Variants in TENM3 observed in about 807,000 individuals in gnomAD.
The protein encoded by TENM3 is teneurin transmembrane protein 3.
TENM3 carries 63 observed loss-of-function variants against 255.1 expected under a neutral mutation model. That is an observed-to-expected ratio of 0.25 (90% CI 0.20 to 0.30). TENM3 has a LOEUF of 0.30. Ranked by LOEUF, TENM3 falls within the 10% of genes least tolerant of loss-of-function variation. TENM3 has a pLI of 1.00. For missense variants in TENM3, 2,929 were observed against 3,461.1 expected (o/e 0.85, Z 3.86); for synonymous variants, 1,306 against 1,322.3 (o/e 0.99, Z 0.27).
intron 1 of TENM3, among the ~76,000 whole-genome samples, chr4:182,277,164 GGCTTAGAAATTC>G (rs1760058961): frequency 6.6e-6 from 1 of 152,206 alleles, no homozygotes; most frequent in Admixed American, 6.5e-5. Context: ...GGCAATAATA[GGCTTAGAAATTC>G]TGCAGTGTGG....
intron 3 of TENM3, among the ~76,000 whole-genome samples, chr4:182,438,381 G>A (rs1271855163): frequency 6.6e-6 from 1 of 152,054 alleles, no homozygotes; most frequent in Non-Finnish European, 1.5e-5. Flanking sequence ...CATTTTCCTG[G>A]CGCTGGTTAT....
rs192452904 is a variant in TENM3, at chr4:182,659,181, C to T, written c.1111+5288C>T. ...ATCTTTGGAAAATACAATTGCCAAG[C>T]CATCTTTCTTTCCAAATTTGCCTCT... On this transcript the variant is annotated intron_variant, in intron 6 of 27. Coordinates refer to ENST00000511685, the MANE Select transcript of TENM3 (RefSeq NM_001080477.4). Among the ~76,000 whole-genome samples the T allele has an allele frequency of 9.8e-4, 149 of 152,240 alleles. 1 individual carries two copies. The highest frequency in any genetic ancestry group is 3.3e-3 in the African/African-American group (139 of 41,538).
At chr4:181,520,410 C>T in the TENM3 span, among the ~76,000 whole-genome samples, 1 of 151,718 alleles carries the variant, frequency 6.6e-6, no homozygotes, top group Admixed American at 6.6e-5. Context: ...GGGGTACCTG[C>T]GTGTGTGTGT....
intron 3 of TENM3, among the ~76,000 whole-genome samples, chr4:182,389,542 T>C (rs1460901120): frequency 1.3e-5 from 2 of 152,242 alleles, no homozygotes; most frequent in East Asian, 3.9e-4. Context: ...CACAAAGAAA[T>C]CTGAAATTTA....
At chr4:181,701,337 T>C in the TENM3 span, among the ~76,000 whole-genome samples, 1 of 152,194 alleles carries the variant, frequency 6.6e-6, no homozygotes, top group Non-Finnish European at 1.5e-5. Context: ...GAACCAGAAA[T>C]AGGCAAACAG....
chr4:182,167,528 AAG>A (rs1751799765), intron 1 of TENM3, among the ~76,000 whole-genome samples: 2 of 152,312 alleles, frequency 1.3e-5, no homozygotes, highest in African/African-American at 4.8e-5. Context: ...ATTAAAGAAA[AAG>A]AATTCTTGTG....
chr4:182,361,837 T>C (rs933523534), intron 3 of TENM3, among the ~76,000 whole-genome samples: 41 of 152,256 alleles, frequency 2.7e-4, no homozygotes, highest in Non-Finnish European at 5.4e-4. Context: ...TTTTTCCCCG[T>C]CTTTGTGGTT....
chr4:182,071,598 A>G, the TENM3 span, among the ~76,000 whole-genome samples: 1 of 151,874 alleles, frequency 6.6e-6, no homozygotes, highest in Admixed American at 6.6e-5. Flanking sequence ...GGTGCCTGCC[A>G]CCACACCACA....
chr4:181,509,512 C>T, the TENM3 span, among the ~76,000 whole-genome samples: 1 of 152,084 alleles, frequency 6.6e-6, no homozygotes. Flanking sequence ...CTTTAAGCCT[C>T]TGAGTTTAAT....
chr4:181,528,087 G>T, the TENM3 span, among the ~76,000 whole-genome samples: 95 of 150,530 alleles, frequency 6.3e-4, no homozygotes, highest in African/African-American at 2.1e-3. Context: ...TTACCTTTAG[G>T]AAAAAAAACA....
At chr4:181,603,991 G>A in the TENM3 span, among the ~76,000 whole-genome samples, 3 of 152,326 alleles carry the variant, frequency 2.0e-5, no homozygotes, top group East Asian at 1.9e-4. Flanking sequence ...ATTGCCGGGC[G>A]CGGTGGCTCA....
intron 4 of TENM3, among the ~76,000 whole-genome samples, chr4:182,617,747 A>G (rs1581115646): frequency 6.6e-6 from 1 of 152,340 alleles, no homozygotes; most frequent in East Asian, 1.9e-4. Flanking sequence ...CGATTTACCT[A>G]CATGTGTCAG....
At chr4:181,885,058 C>T in the TENM3 span, among the ~76,000 whole-genome samples, 1 of 152,040 alleles carries the variant, frequency 6.6e-6, no homozygotes, top group Admixed American at 6.6e-5. Context: ...TCTTAATTTT[C>T]TTCATTGATC....
chr4:182,241,785 G>T (rs1757277930), upstream of TENM3, among the ~76,000 whole-genome samples: 1 of 151,872 alleles, frequency 6.6e-6, no homozygotes, highest in African/African-American at 2.4e-5. Flanking sequence ...GGGATTACAG[G>T]CATGAGCCAC....
the TENM3 span, among the ~76,000 whole-genome samples, chr4:182,063,627 T>TC: frequency 6.6e-6 from 1 of 152,190 alleles, no homozygotes; most frequent in Non-Finnish European, 1.5e-5. Flanking sequence ...ACAAATTTTT[T>TC]CCCCTGGCAG....
chr4:182,239,740 C>A (rs913559685), upstream of TENM3, among the ~76,000 whole-genome samples: 1 of 151,976 alleles, frequency 6.6e-6, no homozygotes, highest in South Asian at 2.1e-4. Context: ...GAAGGAAGGA[C>A]AATAATATCT....
In TENM3 at chr4:182,439,388, A is replaced by G. The variant is rs574148456; in HGVS notation, c.511+92459A>G. Among the ~76,000 whole-genome samples, 5 of 152,364 alleles carry G rather than the reference A, an allele frequency of 3.3e-5. No homozygotes were observed. In the East Asian group the frequency reaches 9.6e-4, roughly 29 times the overall value. On this transcript the variant is annotated intron_variant, in intron 3 of 27. Coordinates refer to ENST00000511685, the MANE Select transcript of TENM3 (RefSeq NM_001080477.4). ...GCACATTGGCTTTTTATAAACCAAG[A>G]CAGACCCTAGGTAGAAATTTGCCTA...
At chr4:181,546,114 G>C in the TENM3 span, among the ~76,000 whole-genome samples, 1 of 152,176 alleles carries the variant, frequency 6.6e-6, no homozygotes, top group East Asian at 1.9e-4. Context: ...CTTATGCATT[G>C]AGTGCAAATC....
chr4:182,737,199 G>A, intron 17 of TENM3, 124 bp downstream of exon 17: 1 of 1,039,862 alleles, frequency 9.6e-7, no homozygotes. Flanking sequence ...GTTGTCCTAG[G>A]GATATTATAC....
Sources: gnomAD v4.1 joint callset for allele counts (sites outside exome capture counted in the v4.1 genomes callset) on GRCh38, gnomAD v4.1.1 for gene constraint, MANE v1.5 for transcripts, NCBI Gene and HGNC (gene_info 2026-07-23, HGNC 2026-07-21) for gene names.